Variants in ARID2 observed in about 807,000 individuals in gnomAD.
ARID2 encodes AT-rich interactive domain-containing protein 2.
ARID2 carries 32 observed loss-of-function variants against 184.6 expected under a neutral mutation model. The ratio of observed to expected loss-of-function variants is 0.17; its 90% CI spans 0.13 to 0.23. ARID2 has a LOEUF of 0.23. Among genes scored for constraint, ARID2 ranks in the 10% least tolerant of loss-of-function variants. The pLI, the probability that ARID2 is intolerant of heterozygous loss-of-function variation, is 1.00. For synonymous variants in ARID2, 836 were observed against 772.6 expected (o/e 1.08, Z -1.36); for missense variants, 1,696 against 2,197.6 (o/e 0.77, Z 4.56).
chr12:45,826,721 T>A (rs1030051250), intron 6 of ARID2, among the ~76,000 whole-genome samples: 1 of 152,112 alleles, frequency 6.6e-6, no homozygotes, highest in African/African-American at 2.4e-5. Context: ...GTCTGCTCCC[T>A]TATAGAAGTA....
rs140067696 is a variant in ARID2, at chr12:45,878,359, A to G, written c.4923-13421A>G. Among the ~76,000 whole-genome samples the G allele has an allele frequency of 1.4e-3, 213 of 152,176 alleles. 1 individual carries two copies. Among genetic ancestry groups the G allele is most frequent in the African/African-American group, 5.0e-3 (207 of 41,532 alleles). ...TCTCTTTATGGTATTCCCACTGCAT[A>G]TATTTGCAGCTTTTGTTATCACCCC... On this transcript the variant is annotated intron_variant, in intron 16 of 20. Transcript: ENST00000334344.
At chr12:45,848,806 G>T (rs111594260) in intron 12 of ARID2, 30 bp from the exon 13 acceptor site, 1 of 1,595,140 alleles carries the variant, frequency 6.3e-7, no homozygotes, top group Non-Finnish European at 8.6e-7. Context: ...AGAGTATATT[G>T]TATAATGCTT....
intron 6 of ARID2, among the ~76,000 whole-genome samples, chr12:45,826,550 G>T (rs936916907): frequency 2.0e-5 from 3 of 151,984 alleles, no homozygotes; most frequent in Non-Finnish European, 4.4e-5. Context: ...AAGTAGCTAA[G>T]ATTACAGACT....
Position 45,851,859 on chromosome 12 carries a change from AAGG to A in ARID2, c.3744_3746del (p.Glu1249del), listed in dbSNP as rs1943557389. On this transcript the variant is annotated inframe_deletion, in exon 15 of 21. Coordinates refer to ENST00000334344, the MANE Select transcript of ARID2 (RefSeq NM_152641.4). ...CAAAGGTGATAAAATAATTTGCCAAAAGGAGGAGGAAGCAAAGGAAGCAACAGG... is the reference window on the plus strand; with the variant it reads ...CAAAGGTGATAAAATAATTTGCCAAAAGGAGGAAGCAAAGGAAGCAACAGG... 1 of 1,614,202 alleles carries A rather than the reference AAGG, an allele frequency of 6.2e-7. No homozygotes were observed. The highest frequency in any genetic ancestry group is 8.5e-7 in the Non-Finnish European group (1 of 1,180,024).
Position 45,827,318 on chromosome 12 carries a change from A to T in ARID2, c.705+5831A>T, listed in dbSNP as rs187320012. Among the ~76,000 whole-genome samples the T allele has an allele frequency of 1.7e-4, 26 of 152,278 alleles. No homozygotes were observed. The East Asian group carries it at 4.2e-3, about 25-fold the overall frequency. Reference sequence around the variant, plus strand: ...TTAAAATGTTTATGACATTTATCTGATAATATCTGATAAGAATTATCGGAT... The same window carrying T: ...TTAAAATGTTTATGACATTTATCTGTTAATATCTGATAAGAATTATCGGAT... On this transcript the variant is annotated intron_variant, in intron 6 of 20. Transcript: ENST00000334344.
At chr12:45,745,040 G>C (rs1941329942) in intron 3 of ARID2, among the ~76,000 whole-genome samples, 1 of 152,158 alleles carries the variant, frequency 6.6e-6, no homozygotes, top group African/African-American at 2.4e-5. Flanking sequence ...TAAGCAAACT[G>C]TTTGGTGATT....
intron 3 of ARID2, among the ~76,000 whole-genome samples, chr12:45,801,328 A>AG (rs1942498267): frequency 1.4e-5 from 2 of 146,904 alleles, no homozygotes; most frequent in Admixed American, 7.0e-5. Flanking sequence ...AGAAAAAAAA[A>AG]AAAAGTAAAA....
chr12:45,852,590 A>G lies in ARID2; in HGVS notation c.4467A>G (p.Ser1489=), dbSNP rs2138179939. The change falls in exon 15 of 21, where the codon TCA becomes TCG. Residue 1489 remains serine (S), a synonymous_variant. Coordinates refer to ENST00000334344, the MANE Select transcript of ARID2 (RefSeq NM_152641.4). Reference sequence around the variant, plus strand: ...ATCAAATCATAGCAGTTCCCGACTCAGGATCAAAAGTATCCCATTCTCCTG... The same window carrying G: ...ATCAAATCATAGCAGTTCCCGACTCGGGATCAAAAGTATCCCATTCTCCTG... ...QGHQIIAVPD[S]GSKVSHSPAL... is the part of the protein sequence containing the mutation. 1 of 1,614,190 alleles carries G rather than the reference A, an allele frequency of 6.2e-7. No individual in the cohort carries two copies. Among genetic ancestry groups the G allele is most frequent in the Non-Finnish European group, 8.5e-7 (1 of 1,180,014 alleles).
rs1565642121 is a variant in ARID2 at position 45,893,532 on chromosome 12, C to A, written c.5260C>A (p.Arg1754=). 3 of 1,613,466 alleles carry A rather than the reference C, an allele frequency of 1.9e-6. No homozygotes were observed. The highest frequency in any genetic ancestry group is 2.5e-6 in the Non-Finnish European group (3 of 1,179,628). Residue 1754 remains arginine (R), a synonymous_variant, in exon 19 of 21, where the codon CGA becomes AGA. Transcript: ENST00000334344. ...GAGAGGATCAAGAAACCTTGTCTTT[C>A]GAGATTTTACAGTAAGCATGCCTTG... is the stretch of plus-strand genomic sequence containing the variant. ...LRRGSRNLVF[R]DFTDEKEGPI...
chr12:45,850,217 T>C lies in ARID2; in HGVS notation c.2094T>C (p.Ala698=), dbSNP rs758020950. The change falls in exon 15 of 21, where the codon GCT becomes GCC. Residue 698 remains alanine (A), a synonymous_variant. Coordinates refer to ENST00000334344, the MANE Select transcript of ARID2 (RefSeq NM_152641.4). ...CTCATACCCACCAGCAACAAAATGCTCCAGTGACTGTCATTCAAAGTAAAG... is the reference window on the plus strand; with the variant it reads ...CTCATACCCACCAGCAACAAAATGCCCCAGTGACTGTCATTCAAAGTAAAG... ...PSPHTHQQQN[A]PVTVIQSKAP... 9 of 1,613,996 alleles carry C rather than the reference T, an allele frequency of 5.6e-6. No individual in the cohort carries two copies. Among genetic ancestry groups the C allele is most frequent in the Non-Finnish European group, 6.8e-6 (8 of 1,180,018 alleles).
intron 6 of ARID2, among the ~76,000 whole-genome samples, chr12:45,836,274 A>G (rs148729597): frequency 8.7e-4 from 133 of 152,312 alleles, no homozygotes; most frequent in African/African-American, 3.1e-3. Context: ...CAGTGGCACA[A>G]TCACAGCTCC....
chr12:45,877,343 A>G (rs7970212), intron 16 of ARID2, among the ~76,000 whole-genome samples: 15,467 of 151,674 alleles, frequency 0.1, 2,649 homozygotes, highest in African/African-American at 0.35. Flanking sequence ...ATAGGAGCGC[A>G]AGCCCTGTTG....
At chr12:45,805,537 C>T (rs936693787) in intron 3 of ARID2, among the ~76,000 whole-genome samples, 1 of 152,020 alleles carries the variant, frequency 6.6e-6, no homozygotes, top group African/African-American at 2.4e-5. Context: ...ATTATTGAGA[C>T]TAATATCTGA....
chr12:45,811,181 C>T (rs1942699515), intron 3 of ARID2, among the ~76,000 whole-genome samples: 1 of 150,784 alleles, frequency 6.6e-6, no homozygotes, highest in Admixed American at 6.6e-5. Context: ...TGCACTCCAG[C>T]CTGGGCGACA....
At chr12:45,897,105 GAGGGCCCAAAAAGTA>G in intron 20 of ARID2, among the ~76,000 whole-genome samples, 1 of 152,308 alleles carries the variant, frequency 6.6e-6, no homozygotes, top group East Asian at 1.9e-4. Flanking sequence ...GAATAGAAGA[GAGGGCCCAAAAAGTA>G]AGTCCTCACA....
chr12:45,747,125 C>G (rs1211052523), intron 3 of ARID2, among the ~76,000 whole-genome samples: 1 of 152,146 alleles, frequency 6.6e-6, no homozygotes, highest in Non-Finnish European at 1.5e-5. Context: ...CCCCAATTCA[C>G]ATGAATATAA....
At chr12:45,803,417 A>G (rs1942543477) in intron 3 of ARID2, among the ~76,000 whole-genome samples, 1 of 152,230 alleles carries the variant, frequency 6.6e-6, no homozygotes. Context: ...TACAGAAGTT[A>G]GCTTCTGAAA....
At chr12:45,809,031 C>T (rs1252463265) in intron 3 of ARID2, among the ~76,000 whole-genome samples, 2 of 152,224 alleles carry the variant, frequency 1.3e-5, no homozygotes, top group Non-Finnish European at 2.9e-5. Context: ...TCCCAAAGTG[C>T]TGGGATTACA....
At chr12:45,747,469 ATT>A (rs1181128048) in intron 3 of ARID2, among the ~76,000 whole-genome samples, 1 of 145,640 alleles carries the variant, frequency 6.9e-6, no homozygotes. Flanking sequence ...GGGGTCAAGG[ATT>A]TTTTTTTTTT....
Sources: allele counts gnomAD v4.1 joint callset (sites outside exome capture counted in the v4.1 genomes callset), GRCh38; gene constraint gnomAD v4.1.1; transcripts MANE v1.5; gene names NCBI Gene and HGNC (gene_info 2026-07-23, HGNC 2026-07-21).